The following MTA3 variants were observed in gnomAD, a reference collection of about 807,000 sequenced individuals.
MTA3 encodes metastasis associated 1 family member 3.
A neutral mutation model predicts 83.5 loss-of-function variants in MTA3; 34 were observed. The observed-to-expected ratio is 0.41, with a 90% CI of 0.31 to 0.54. The LOEUF (loss-of-function observed/expected upper bound fraction) is 0.54. MTA3 is among the 20% of genes least tolerant of loss of function. The probability of loss-of-function intolerance (pLI) is 0.33; values close to 1 mark genes in which losing one functional copy is unlikely to be tolerated. For missense variants in MTA3, 761 were observed against 726.4 expected (o/e 1.05, Z -0.55); for synonymous variants, 303 against 252.7 (o/e 1.20, Z -1.89).
chr2:42,539,273 C>T (rs1676413229), intron 2 of MTA3, among the ~76,000 whole-genome samples: 1 of 152,086 alleles, frequency 6.6e-6, no homozygotes, highest in South Asian at 2.1e-4. Context: ...GTTTAATTGA[C>T]TTACAGTTCC....
intron 4 of MTA3, among the ~76,000 whole-genome samples, chr2:42,621,155 A>G (rs1469495819): frequency 2.8e-5 from 3 of 108,630 alleles, no homozygotes; most frequent in Non-Finnish European, 5.4e-5. Flanking sequence ...TTTTTAATTG[A>G]TCATTCTTGG....
chr2:42,534,349 C>T (rs1676120181), intron 2 of MTA3, among the ~76,000 whole-genome samples: 1 of 152,164 alleles, frequency 6.6e-6, no homozygotes, highest in Admixed American at 6.6e-5. Flanking sequence ...ATAATCCCAG[C>T]ACTTGGGAGG....
intron 10 of MTA3, among the ~76,000 whole-genome samples, chr2:42,697,199 C>T (rs1041012408): frequency 2.0e-5 from 3 of 152,128 alleles, no homozygotes; most frequent in South Asian, 2.1e-4. Flanking sequence ...CCTTCCTTTC[C>T]CTACATATGG....
At chr2:42,651,033 C>G (rs764323860) in intron 6 of MTA3, among the ~76,000 whole-genome samples, 1 of 152,286 alleles carries the variant, frequency 6.6e-6, no homozygotes, top group South Asian at 2.1e-4. Context: ...ATGGTATAGT[C>G]TATTGCTCCC....
intron 3 of MTA3, among the ~76,000 whole-genome samples, chr2:42,600,555 G>C (rs992576533): frequency 2.2e-5 from 3 of 134,746 alleles, no homozygotes; most frequent in African/African-American, 8.3e-5. Flanking sequence ...TCTTTGTTTT[G>C]TTTTGAGACC....
At chr2:42,722,780 C>G (rs746837562) in intron 15 of MTA3, 109 bp from the exon 16 acceptor site, 16 of 1,301,186 alleles carry the variant, frequency 1.2e-5, no homozygotes, top group Non-Finnish European at 1.6e-5. Context: ...TCAGGAGGAA[C>G]TGACTCTCAG....
chr2:42,584,500 T>C (rs1031368236), intron 3 of MTA3, among the ~76,000 whole-genome samples: 1 of 152,160 alleles, frequency 6.6e-6, no homozygotes, highest in Non-Finnish European at 1.5e-5. Context: ...AATATACATA[T>C]ATTATTTTCT....
chr2:42,677,156 A>G (rs1022757315), intron 8 of MTA3, among the ~76,000 whole-genome samples: 2 of 152,148 alleles, frequency 1.3e-5, no homozygotes, highest in Non-Finnish European at 2.9e-5. Context: ...TACCATTATA[A>G]AAGATATGTG....
In MTA3 at chr2:42,539,069, C is replaced by T. The variant is rs958541780; in HGVS notation, c.-140-31368C>T. Among the ~76,000 whole-genome samples, 4 of 152,042 alleles carry T rather than the reference C, an allele frequency of 2.6e-5. No individual in the cohort carries two copies. The East Asian group carries it at 5.8e-4, about 22-fold the overall frequency. On this transcript the variant is annotated intron_variant, in intron 2 of 17. Coordinates refer to the MTA3 transcript ENST00000405592. ...GATTACAGGCGTGAGCCACCGCTCC[C>T]GGCCTGAAAAAAATGTTATAAGTGT...
chr2:42,603,301 T>G (rs1272412030), intron 3 of MTA3, among the ~76,000 whole-genome samples: 1 of 152,122 alleles, frequency 6.6e-6, no homozygotes, highest in African/African-American at 2.4e-5. Context: ...AGGAAGCTGC[T>G]TGCTGGGGTG....
intron 2 of MTA3, among the ~76,000 whole-genome samples, chr2:42,572,747 A>G (rs555939155): frequency 6.6e-6 from 1 of 152,030 alleles, no homozygotes; most frequent in Non-Finnish European, 1.5e-5. Context: ...GTTTTTTGAG[A>G]TGAAGTTTTC....
At chr2:42,640,346 A>C in intron 5 of MTA3, 110 bp downstream of exon 5, 1 of 750,082 alleles carries the variant, frequency 1.3e-6, no homozygotes, top group Non-Finnish European at 2.1e-6. Flanking sequence ...CCATTATATT[A>C]ATAGCAGTAT....
At chr2:42,542,518 TCTC>T (rs1676567081) in intron 2 of MTA3, among the ~76,000 whole-genome samples, 1 of 152,084 alleles carries the variant, frequency 6.6e-6, no homozygotes, top group African/African-American at 2.4e-5. Context: ...CCCTTACACA[TCTC>T]CTGAAATCAT....
At chr2:42,745,972 C>T (rs1364550884) in intron 16 of MTA3, among the ~76,000 whole-genome samples, 1 of 151,828 alleles carries the variant, frequency 6.6e-6, no homozygotes, top group Non-Finnish European at 1.5e-5. Context: ...CGCCACCACG[C>T]CCAGCTAATT....
chr2:42,523,400 C>T (rs1176734962), intron 2 of MTA3, among the ~76,000 whole-genome samples: 2 of 152,104 alleles, frequency 1.3e-5, no homozygotes, highest in Non-Finnish European at 2.9e-5. Context: ...GGCGTGTTCT[C>T]GTCAGGGTCT....
In MTA3 at chr2:42,507,330, C is replaced by T. The variant is rs368527348; in HGVS notation, c.-141+12076C>T. Among the ~76,000 whole-genome samples the T allele has an allele frequency of 4.6e-4, 70 of 152,156 alleles. 2 individuals are homozygous for T. In the South Asian group the frequency reaches 0.014, roughly 31 times the overall value. On this transcript the variant is annotated intron_variant, in intron 2 of 17. Transcript: ENST00000405592. ...GGGACTATGGGCATGCATGACCACA[C>T]CCAGCTAATGTCATTTTTTTATATA...
At chr2:42,523,758 A>G (rs865941418) in intron 2 of MTA3, among the ~76,000 whole-genome samples, 1 of 151,996 alleles carries the variant, frequency 6.6e-6, no homozygotes, top group African/African-American at 2.4e-5. Flanking sequence ...AACAAAACAA[A>G]AACAAAACAA....
chr2:42,701,434 AAAAAAGT>A (rs1451389188), intron 11 of MTA3, among the ~76,000 whole-genome samples: 1 of 145,580 alleles, frequency 6.9e-6, no homozygotes, highest in Non-Finnish European at 1.5e-5. Flanking sequence ...AAAAAAAAAA[AAAAAAGT>A]AAATAAAGAG....
intron 3 of MTA3, among the ~76,000 whole-genome samples, chr2:42,594,154 G>T (rs1681388651): frequency 6.6e-6 from 1 of 150,878 alleles, no homozygotes; most frequent in African/African-American, 2.4e-5. Context: ...ATTTCACTAT[G>T]TTGGCCAGGC....
Sources: allele counts gnomAD v4.1 joint callset (sites outside exome capture counted in the v4.1 genomes callset), GRCh38; gene constraint gnomAD v4.1.1; transcripts MANE v1.5; gene names NCBI Gene and HGNC (gene_info 2026-07-23, HGNC 2026-07-21).